Variants in PTCD3 observed in about 807,000 individuals in gnomAD.
PTCD3 encodes small ribosomal subunit protein mS39.
Under a neutral mutation model 101.9 loss-of-function variants are expected in PTCD3, and 89 were observed. The observed-to-expected ratio is 0.87, with a 90% CI of 0.74 to 1.04. The LOEUF (loss-of-function observed/expected upper bound fraction) is 1.04. Ranked by LOEUF, PTCD3 falls within the 50% of genes least tolerant of loss-of-function variation. PTCD3 has a pLI of 0.00. For synonymous variants in PTCD3, 296 were observed against 278.5 expected (o/e 1.06, Z -0.63); for missense variants, 870 against 828.2 (o/e 1.05, Z -0.62).
intron 5 of PTCD3, among the ~76,000 whole-genome samples, chr2:86,116,805 G>A (rs1035937654): frequency 6.6e-6 from 1 of 152,140 alleles, no homozygotes; most frequent in Non-Finnish European, 1.5e-5. Context: ...AATACTTAGG[G>A]CTTTTTCACA....
At chr2:86,133,027 C>G (rs1573858484) in intron 17 of PTCD3, 151 bp from the exon 18 acceptor site, 1 of 1,291,262 alleles carries the variant, frequency 7.7e-7, no homozygotes, top group Non-Finnish European at 1.0e-6. Context: ...ACACTGGCAG[C>G]TCTTAAACCA....
In PTCD3 at chr2:86,132,313, T is replaced by G; in HGVS notation, c.1267-5T>G. On this transcript the variant is annotated splice_region_variant and splice_polypyrimidine_tract_variant and intron_variant, in intron 16 of 23. Coordinates refer to ENST00000254630, the MANE Select transcript of PTCD3 (RefSeq NM_017952.6). ...GAGTGATACTTACTACTTGCATATTTTCAGTGCTCATCTCTCAGAGATCTA... is the reference window on the plus strand; with the variant it reads ...GAGTGATACTTACTACTTGCATATTGTCAGTGCTCATCTCTCAGAGATCTA... The G allele has an allele frequency of 1.3e-6, 2 of 1,561,068 alleles. No individual in the cohort carries two copies. The highest frequency in any genetic ancestry group is 1.8e-6 in the Non-Finnish European group (2 of 1,134,654).
intron 17 of PTCD3, 164 bp downstream of exon 17, chr2:86,132,588 C>T (rs1336412692): frequency 4.2e-6 from 2 of 481,688 alleles, no homozygotes; most frequent in African/African-American, 4.0e-5. Context: ...GGTAAAACTG[C>T]CAGATTTGAA....
intron 14 of PTCD3, among the ~76,000 whole-genome samples, chr2:86,128,286 G>A (rs567657362): frequency 1.4e-5 from 2 of 140,410 alleles, no homozygotes; most frequent in Admixed American, 1.5e-4. Context: ...TTTTTGGACA[G>A]GGTCTTACTA....
chr2:86,113,391 C>T (rs1382045488), intron 4 of PTCD3, among the ~76,000 whole-genome samples: 1 of 152,122 alleles, frequency 6.6e-6, no homozygotes, highest in Non-Finnish European at 1.5e-5. Context: ...GGGGAAAAGT[C>T]TAAAATAATT....
At chr2:86,130,162 G>C (rs750825290) in intron 14 of PTCD3, among the ~76,000 whole-genome samples, 2 of 152,112 alleles carry the variant, frequency 1.3e-5, no homozygotes, top group African/African-American at 4.8e-5. Flanking sequence ...TTAGCCAGGC[G>C]TGGTGGCGAG....
chr2:86,109,971 CA>C (rs1367910047), intron 3 of PTCD3, among the ~76,000 whole-genome samples: 14 of 152,048 alleles, frequency 9.2e-5, no homozygotes, highest in Admixed American at 8.5e-4. Flanking sequence ...ATACAAATAC[CA>C]AATTCATCGT....
intron 11 of PTCD3, 134 bp downstream of exon 11, chr2:86,125,649 G>A: frequency 1.8e-6 from 2 of 1,128,108 alleles, no homozygotes; most frequent in Non-Finnish European, 1.3e-6. Context: ...TGAAGCAAGA[G>A]TAGAGATCCA....
chr2:86,118,008 C>A (rs1042756693), intron 6 of PTCD3, among the ~76,000 whole-genome samples: 1 of 152,200 alleles, frequency 6.6e-6, no homozygotes, highest in South Asian at 2.1e-4. Flanking sequence ...AACTCCTGAC[C>A]TCGTGATCCA....
At chr2:86,122,498 A>C (rs571652909) in intron 8 of PTCD3, among the ~76,000 whole-genome samples, 71 of 149,614 alleles carry the variant, frequency 4.7e-4, no homozygotes, top group Admixed American at 2.7e-4. Context: ...TGCAGCCTTT[A>C]ACTCCTGAGC....
At chr2:86,113,678 G>A (rs959246246) in intron 4 of PTCD3, among the ~76,000 whole-genome samples, 1 of 152,042 alleles carries the variant, frequency 6.6e-6, no homozygotes, top group Non-Finnish European at 1.5e-5. Flanking sequence ...GTGGTAGTAT[G>A]CGCCTGTAGT....
chr2:86,110,904 G>A (rs779993130), intron 3 of PTCD3: 45 of 737,338 alleles, frequency 6.1e-5, no homozygotes, highest in Non-Finnish European at 9.8e-5. Context: ...GGCCAGAGAG[G>A]ACAGGCAAAG....
chr2:86,110,991 T>C (rs758947707), intron 3 of PTCD3, 122 bp from the exon 4 acceptor site: 1 of 912,054 alleles, frequency 1.1e-6, no homozygotes, highest in African/African-American at 1.6e-5. Context: ...CCTTGTGACA[T>C]AACCAGCTTC....
chr2:86,107,782 G>C (rs1441273587), intron 1 of PTCD3, among the ~76,000 whole-genome samples: 1 of 152,204 alleles, frequency 6.6e-6, no homozygotes, highest in Non-Finnish European at 1.5e-5. Context: ...CTTTAAGTGA[G>C]GTAGTCCTTT....
At position 86,132,966 on chromosome 2, in the gene PTCD3, CAGTT is replaced by C. The variant is rs1674519418; in HGVS notation, c.1374-209_1374-206del. ...ATGACCTAAGAGTATACAGAGGAAA[CAGTT>C]AGAAATGACCAGTTGAGGGTAGGGT... On this transcript the variant is annotated intron_variant, in intron 17 of 23. Transcript: ENST00000254630. 7.8e-6 allele frequency: 5 copies of C among 638,480 alleles called. No homozygotes were observed. In the East Asian group the frequency reaches 1.4e-4, roughly 18 times the overall value. The allele number at this position is 638,480 out of a possible 1,614,324, so 39.6% of individuals were successfully genotyped here. A position where few individuals can be genotyped will look rare whatever the true frequency, so the allele number is the denominator to read the frequency against.
intron 7 of PTCD3, among the ~76,000 whole-genome samples, chr2:86,121,019 T>C (rs1674270387): frequency 6.6e-6 from 1 of 152,242 alleles, no homozygotes; most frequent in Non-Finnish European, 1.5e-5. Context: ...TGAACAATTT[T>C]TAAGAGACTA....
intron 3 of PTCD3, 30 bp from the exon 4 acceptor site, chr2:86,111,083 T>A (rs1558793055): frequency 3.1e-6 from 5 of 1,600,892 alleles, no homozygotes; most frequent in Non-Finnish European, 4.3e-6. Context: ...AGAGCCCTGA[T>A]GAGGATTAAC....
At chr2:86,109,406 CAAA>C (rs5832671) in intron 3 of PTCD3, among the ~76,000 whole-genome samples, 1 of 142,380 alleles carries the variant, frequency 7.0e-6, no homozygotes, top group Non-Finnish European at 1.5e-5. Context: ...GACTCCATCT[CAAA>C]AAAAAAAAAA....
At chr2:86,125,941 A>C in intron 12 of PTCD3, 61 bp downstream of exon 12, 5 of 1,244,766 alleles carry the variant, frequency 4.0e-6, no homozygotes, top group South Asian at 1.3e-5. Flanking sequence ...CCAGAAATAC[A>C]TGGGCTGGCC....
Sources: allele counts gnomAD v4.1 joint callset (sites outside exome capture counted in the v4.1 genomes callset), GRCh38; gene constraint gnomAD v4.1.1; transcripts MANE v1.5; gene names NCBI Gene and HGNC (gene_info 2026-07-23, HGNC 2026-07-21).